Variants in MSRB2 observed in about 807,000 individuals in gnomAD.
MSRB2 encodes the protein methionine sulfoxide reductase B2.
In MSRB2, 17 loss-of-function variants were observed where a neutral mutation model predicts 19.0. The ratio of observed to expected loss-of-function variants is 0.89; its 90% CI spans 0.61 to 1.34. MSRB2 has a LOEUF of 1.34. Among genes scored for constraint, MSRB2 ranks in the 40% most tolerant of loss-of-function variants. The probability of loss-of-function intolerance (pLI) is 0.00; values close to 1 mark genes in which losing one functional copy is unlikely to be tolerated. For synonymous variants in MSRB2, 107 were observed against 99.7 expected (o/e 1.07, Z -0.44); for missense variants, 208 against 237.6 (o/e 0.88, Z 0.82).
chr10:23,120,919 C>A lies in MSRB2; in HGVS notation c.*57C>A. 1 of 1,322,622 alleles carries A rather than the reference C, an allele frequency of 7.6e-7. No individual in the cohort carries two copies. Among genetic ancestry groups the A allele is most frequent in the Non-Finnish European group, 1.1e-6 (1 of 928,282 alleles). The allele number at this position is 1,322,622 out of a possible 1,614,324, so 81.9% of individuals were successfully genotyped here. ...CCTTCACGTGCACCCTCAATTTCCACAATTCACTTGAATGACTTGTTTTAT... is the reference window on the plus strand; with the variant it reads ...CCTTCACGTGCACCCTCAATTTCCAAAATTCACTTGAATGACTTGTTTTAT... On this transcript the variant is annotated 3_prime_UTR_variant, in exon 5 of 5. Transcript: ENST00000376510.
intron 3 of MSRB2, among the ~76,000 whole-genome samples, chr10:23,118,337 GTTTTTTTT>G (rs35011086): frequency 6.5e-5 from 6 of 92,186 alleles, no homozygotes; most frequent in Admixed American, 4.0e-4. Context: ...TTAGTTTTTT[GTTTTTTTT>G]TTTTTTTTTT....
intron 1 of MSRB2, among the ~76,000 whole-genome samples, chr10:23,099,301 C>T (rs189732362): frequency 3.3e-5 from 5 of 152,352 alleles, no homozygotes; most frequent in East Asian, 1.9e-4. Flanking sequence ...AAAGCAAAGT[C>T]TGTCTGCCCT....
chr10:23,103,617 G>A (rs945638074), intron 1 of MSRB2, among the ~76,000 whole-genome samples: 2 of 152,178 alleles, frequency 1.3e-5, no homozygotes, highest in African/African-American at 4.8e-5. Context: ...TATATGCTAT[G>A]GGAGTTTCTT....
intron 1 of MSRB2, 44 bp from the exon 2 acceptor site, chr10:23,104,100 G>C: frequency 6.6e-7 from 1 of 1,520,988 alleles, no homozygotes; most frequent in Non-Finnish European, 9.1e-7. Flanking sequence ...AAGTCCATCA[G>C]GCATTTTTGT....
rs1423641279 is a variant in MSRB2, at chr10:23,121,424, G to C, written c.*562G>C. 6.6e-6 allele frequency: 1 copy of C among 152,282 alleles called. No individual in the cohort carries two copies. Among genetic ancestry groups the C allele is most frequent in the African/African-American group, 2.4e-5 (1 of 41,412 alleles). 9.4% of individuals were successfully genotyped at this position (152,282 alleles called of 1,614,324 possible). A position where few individuals can be genotyped will look rare whatever the true frequency, so the allele number is the denominator to read the frequency against. On this transcript the variant is annotated 3_prime_UTR_variant, in exon 5 of 5. Coordinates refer to ENST00000376510, the MANE Select transcript of MSRB2 (RefSeq NM_012228.4). Reference sequence around the variant, plus strand: ...CAAGCCATGAGGGATCCACCCTCATGACCCAGTTACCTCCCGGCAGGGCCC... The same window carrying C: ...CAAGCCATGAGGGATCCACCCTCATCACCCAGTTACCTCCCGGCAGGGCCC...
Position 23,102,896 on chromosome 10 carries a change from G to A in MSRB2, c.119-1248G>A, listed in dbSNP as rs113046865. On this transcript the variant is annotated intron_variant, in intron 1 of 4. Transcript: ENST00000376510. ...CATTTTGTTTTGTTCCCAAAGTGTC[G>A]AATACCCCAAAAATCATGTGTTAAC... Among the ~76,000 whole-genome samples, 27 of 152,110 alleles carry A rather than the reference G, an allele frequency of 1.8e-4. 2 individuals are homozygous for A. The highest frequency in any genetic ancestry group is 6.0e-4 in the African/African-American group (25 of 41,512).
rs752743633 is a variant in MSRB2 at position 23,120,882 on chromosome 10, T to C, written c.*20T>C. Reference sequence around the variant, plus strand: ...CACTGACCATCTTCAAGAGTCCCGTTCCCTTGCCACCCCTTCACGTGCACC... The same window carrying C: ...CACTGACCATCTTCAAGAGTCCCGTCCCCTTGCCACCCCTTCACGTGCACC... On this transcript the variant is annotated 3_prime_UTR_variant, in exon 5 of 5. Transcript: ENST00000376510. 6 of 1,586,172 alleles carry C rather than the reference T, an allele frequency of 3.8e-6. No individual in the cohort carries two copies. In the South Asian group the frequency reaches 6.7e-5, roughly 18 times the overall value.
chr10:23,107,058 C>T (rs1588969033), intron 2 of MSRB2, among the ~76,000 whole-genome samples: 4 of 152,178 alleles, frequency 2.6e-5, no homozygotes, highest in Admixed American at 2.6e-4. Flanking sequence ...ATTCTTGAAT[C>T]TCTTCTCTTT....
rs138232606 is a variant in MSRB2, at chr10:23,104,842, G to A, written c.219+598G>A. On this transcript the variant is annotated intron_variant, in intron 2 of 4. Transcript: ENST00000376510. Reference sequence around the variant, plus strand: ...CACCCAGCTTTCCTTCTTCTCTCCCGTCATCCCTCCCCACACTCTCCACCC... The same window carrying A: ...CACCCAGCTTTCCTTCTTCTCTCCCATCATCCCTCCCCACACTCTCCACCC... Among the ~76,000 whole-genome samples the A allele has an allele frequency of 2.0e-3, 306 of 151,758 alleles. 2 individuals carry two copies. Among genetic ancestry groups the A allele is most frequent in the African/African-American group, 6.1e-3 (252 of 41,374 alleles).
intron 3 of MSRB2, among the ~76,000 whole-genome samples, chr10:23,115,797 G>T (rs915214546): frequency 6.6e-6 from 1 of 152,042 alleles, no homozygotes; most frequent in Non-Finnish European, 1.5e-5. Context: ...CATCAATAAA[G>T]GTTTATTGTT....
intron 4 of MSRB2, 134 bp from the exon 5 acceptor site, chr10:23,120,623 GA>G (rs1333649365): frequency 2.2e-5 from 12 of 547,042 alleles, no homozygotes; most frequent in Middle Eastern, 4.9e-4. Flanking sequence ...ATTGAATTCG[GA>G]TGCAATAGAC....
intron 1 of MSRB2, among the ~76,000 whole-genome samples, chr10:23,103,936 CTTG>C (rs1386025404): frequency 6.6e-6 from 1 of 152,164 alleles, no homozygotes; most frequent in African/African-American, 2.4e-5. Context: ...CTCTCTACTT[CTTG>C]TTAATTTCTT....
intron 1 of MSRB2, among the ~76,000 whole-genome samples, chr10:23,096,350 C>CTGTGTGTGTGTGTGTGTGTGTGTGTG (rs780651477): frequency 2.2e-3 from 134 of 61,760 alleles, no homozygotes; most frequent in African/African-American, 8.9e-3. Context: ...CTCTCTCTCT[C>CTGTGTGTGTGTGTGTGTGTGTGTGTG]TCTGTGTGTG....
intron 1 of MSRB2, among the ~76,000 whole-genome samples, chr10:23,098,596 G>A (rs1839892546): frequency 6.6e-6 from 1 of 152,222 alleles, no homozygotes. Context: ...AGCACGTGGT[G>A]CAGAGGACAG....
At chr10:23,104,339 A>T (rs2296467) in intron 2 of MSRB2, 95 bp downstream of exon 2, 206,265 of 912,040 alleles carry the variant, frequency 0.23, 24,550 homozygotes, top group South Asian at 0.26. Flanking sequence ...CTGCCCAGCA[A>T]CACTCCACAG....
At chr10:23,115,073 A>G (rs1840097279) in intron 3 of MSRB2, among the ~76,000 whole-genome samples, 1 of 151,968 alleles carries the variant, frequency 6.6e-6, no homozygotes, top group Non-Finnish European at 1.5e-5. Context: ...ATCATCCTAT[A>G]ATTGTTGGAA....
intron 3 of MSRB2, 110 bp from the exon 4 acceptor site, chr10:23,119,194 A>G (rs1840152331): frequency 7.3e-7 from 1 of 1,361,398 alleles, no homozygotes; most frequent in African/African-American, 1.4e-5. Flanking sequence ...GGGATCTGGC[A>G]GAGGAGAGTG....
chr10:23,111,752 G>T (rs1353179708), intron 3 of MSRB2, among the ~76,000 whole-genome samples: 1 of 152,078 alleles, frequency 6.6e-6, no homozygotes, highest in Non-Finnish European at 1.5e-5. Flanking sequence ...AGCACTCAAG[G>T]TGTGGCTAGC....
intron 3 of MSRB2, among the ~76,000 whole-genome samples, chr10:23,112,470 A>G (rs917014001): frequency 3.9e-5 from 6 of 152,202 alleles, no homozygotes; most frequent in Non-Finnish European, 7.3e-5. Context: ...TACCTAATTC[A>G]TAAGGTTGTT....
Sources: gnomAD v4.1 joint callset for allele counts (sites outside exome capture counted in the v4.1 genomes callset) on GRCh38, gnomAD v4.1.1 for gene constraint, MANE v1.5 for transcripts, NCBI Gene and HGNC (gene_info 2026-07-23, HGNC 2026-07-21) for gene names.